Variants in RTTN observed in about 807,000 individuals in gnomAD.
RTTN encodes rotatin.
Under a neutral mutation model 269.2 loss-of-function variants are expected in RTTN, and 182 were observed. The ratio of observed to expected loss-of-function variants is 0.68; its 90% confidence interval spans 0.60 to 0.76. RTTN has a LOEUF of 0.76. Among genes scored for constraint, RTTN ranks in the 30% least tolerant of loss-of-function variants. RTTN has a pLI of 0.00. For missense variants in RTTN, 2,545 were observed against 2,608.6 expected (o/e 0.98, Z 0.53); for synonymous variants, 1,006 against 963.5 (o/e 1.04, Z -0.82).
At chr18:70,058,447 G>C (rs2057881378) in intron 36 of RTTN, among the ~76,000 whole-genome samples, 2 of 152,196 alleles carry the variant, frequency 1.3e-5, no homozygotes, top group South Asian at 4.1e-4. Flanking sequence ...GAACCCAGGA[G>C]GCGGAGGTTG....
At chr18:70,068,794 T>C (rs762942099) in intron 34 of RTTN, among the ~76,000 whole-genome samples, 5 of 152,226 alleles carry the variant, frequency 3.3e-5, no homozygotes, top group Non-Finnish European at 7.3e-5. Flanking sequence ...TCTAGACTTT[T>C]CCCTCGCTTT....
chr18:70,006,651 G>T, intron 46 of RTTN, 167 bp from the exon 47 acceptor site: 1 of 590,524 alleles, frequency 1.7e-6, no homozygotes, highest in South Asian at 2.2e-5. Flanking sequence ...GTATATGGGA[G>T]GACAACCTCA....
chr18:70,163,830 G>A (rs2060912316), intron 14 of RTTN, among the ~76,000 whole-genome samples: 1 of 151,992 alleles, frequency 6.6e-6, no homozygotes, highest in African/African-American at 2.4e-5. Flanking sequence ...TTTAGATTTT[G>A]GATTTTCAGA....
chr18:70,147,799 C>A (rs2145773613), intron 17 of RTTN, among the ~76,000 whole-genome samples: 1 of 152,130 alleles, frequency 6.6e-6, no homozygotes. Context: ...AAACTGAGGA[C>A]CTTGGGCCCG....
intron 38 of RTTN, among the ~76,000 whole-genome samples, chr18:70,051,913 T>C (rs1452379350): frequency 6.6e-6 from 1 of 152,102 alleles, no homozygotes; most frequent in Non-Finnish European, 1.5e-5. Flanking sequence ...TTTGTCAGAG[T>C]AAGTTTTCCC....
chr18:70,158,594 C>T (rs1599831194), intron 14 of RTTN, among the ~76,000 whole-genome samples: 1 of 152,238 alleles, frequency 6.6e-6, no homozygotes, highest in East Asian at 1.9e-4. Flanking sequence ...CCTCACATAT[C>T]AATACTGACC....
intron 28 of RTTN, among the ~76,000 whole-genome samples, chr18:70,108,234 G>T: frequency 6.6e-6 from 1 of 151,738 alleles, no homozygotes; most frequent in East Asian, 1.9e-4. Context: ...CTGAGATCAT[G>T]CCATTGCACT....
intron 32 of RTTN, 43 bp downstream of exon 32, chr18:70,086,570 T>C: frequency 1.3e-5 from 18 of 1,403,618 alleles, no homozygotes; most frequent in Non-Finnish European, 1.6e-5. Context: ...CACCAATTAA[T>C]TTGAAACATC....
chr18:70,203,201 GTTC>G (rs1358280817), intron 3 of RTTN, among the ~76,000 whole-genome samples: 1 of 151,266 alleles, frequency 6.6e-6, no homozygotes, highest in Admixed American at 6.6e-5. Context: ...ATGAGAAAGT[GTTC>G]TTTTTTTTTT....
intron 28 of RTTN, among the ~76,000 whole-genome samples, chr18:70,104,337 A>T (rs1387258895): frequency 6.6e-6 from 1 of 152,162 alleles, no homozygotes; most frequent in Non-Finnish European, 1.5e-5. Flanking sequence ...TTTCAGCTCC[A>T]TCAGGTCATT....
chr18:70,191,520 T>C (rs942795991), intron 8 of RTTN, among the ~76,000 whole-genome samples: 8 of 152,172 alleles, frequency 5.3e-5, no homozygotes, highest in Non-Finnish European at 8.8e-5. Flanking sequence ...ACATTCGACA[T>C]CATGTAGTGA....
At position 70,054,276 on chromosome 18, in the gene RTTN, A is replaced by G. The variant is rs767626531; in HGVS notation, c.5040T>C (p.Phe1680=). The G allele has an allele frequency of 2.5e-6, 4 of 1,609,332 alleles. No individual in the cohort carries two copies. In the South Asian group the frequency reaches 4.4e-5, roughly 18 times the overall value. The stretch of plus-strand genomic sequence containing the variant: ...ACAAAGAGGATAGGTATTCCAGGAG[A>G]AAGGAAACCTGTTTGAAAAGGAGAC... The part of the protein sequence containing the change: ...PAEHTQAQVS[F]LLEYLSSLSR... Residue 1680 remains phenylalanine, a synonymous_variant, in exon 38 of 49, where the codon TTT becomes TTC. Coordinates refer to ENST00000640769, the MANE Select transcript of RTTN (RefSeq NM_173630.4).
intron 18 of RTTN, among the ~76,000 whole-genome samples, chr18:70,143,339 T>C (rs1315866027): frequency 6.6e-6 from 1 of 152,156 alleles, no homozygotes; most frequent in Non-Finnish European, 1.5e-5. Context: ...ACACATGGAA[T>C]CAACCTACAT....
chr18:70,191,224 G>T lies in RTTN; in HGVS notation c.1008-505C>A, dbSNP rs534247790. 5.9e-5 allele frequency among the ~76,000 whole-genome samples: 9 copies of T among 151,706 alleles called. No homozygotes were observed. In the South Asian group the frequency reaches 1.9e-3, roughly 32 times the overall value. On this transcript the variant is annotated intron_variant, in intron 8 of 48. Coordinates refer to ENST00000640769, the MANE Select transcript of RTTN (RefSeq NM_173630.4). ...AAAAAAAAGACTCTAAATTGTAAATGAAGCCAAAAATGCATCTATATTTTG... is the reference window on the plus strand; with the variant it reads ...AAAAAAAAGACTCTAAATTGTAAATTAAGCCAAAAATGCATCTATATTTTG...
chr18:70,050,870 A>T (rs2057644019), intron 39 of RTTN, among the ~76,000 whole-genome samples: 1 of 152,226 alleles, frequency 6.6e-6, no homozygotes, highest in South Asian at 2.1e-4. Context: ...AGAGATGAAC[A>T]ATGAGAACAC....
intron 28 of RTTN, among the ~76,000 whole-genome samples, chr18:70,096,302 AT>A (rs1331084261): frequency 6.6e-6 from 1 of 152,118 alleles, no homozygotes; most frequent in African/African-American, 2.4e-5. Context: ...ACTTCTGTCA[AT>A]TCACCAAACT....
chr18:70,122,125 G>A (rs1211717086), intron 25 of RTTN, among the ~76,000 whole-genome samples: 2 of 151,958 alleles, frequency 1.3e-5, no homozygotes, highest in Non-Finnish European at 2.9e-5. Flanking sequence ...ATAAAGTGAG[G>A]GGGAAAAAAA....
At position 70,142,268 on chromosome 18, in the gene RTTN, T is replaced by A; in HGVS notation, c.2581+20A>T. The A allele has an allele frequency of 6.8e-7, 1 of 1,476,426 alleles. No homozygotes were observed. Among genetic ancestry groups the A allele is most frequent in the East Asian group, 2.3e-5 (1 of 44,198 alleles). 91.5% of individuals were successfully genotyped at this position (1,476,426 alleles called of 1,614,324 possible). ...TCTATTATCAGCAGTACAGCAATCA[T>A]TTCCCTTAAAAGACATTACCTTGCA... On this transcript the variant is annotated intron_variant, in intron 19 of 48. Transcript: ENST00000640769.
At chr18:70,143,603 G>T (rs375580528) in intron 18 of RTTN, among the ~76,000 whole-genome samples, 1 of 152,056 alleles carries the variant, frequency 6.6e-6, no homozygotes, top group African/African-American at 2.4e-5. Flanking sequence ...CTGAGGGTGG[G>T]GGGTAGGAGG....
Sources: allele counts gnomAD v4.1 joint callset (sites outside exome capture counted in the v4.1 genomes callset), GRCh38; gene constraint gnomAD v4.1.1; transcripts MANE v1.5; gene names NCBI Gene and HGNC (gene_info 2026-07-23, HGNC 2026-07-21).